The following CAMTA1 variants were observed in gnomAD, a reference collection of about 807,000 sequenced individuals.
CAMTA1 encodes calmodulin-binding transcription activator 1.
Under a neutral mutation model 170.9 loss-of-function variants are expected in CAMTA1, and 27 were observed. The ratio of observed to expected loss-of-function variants is 0.16; its 90% CI spans 0.12 to 0.22. CAMTA1 has a LOEUF of 0.22. Among genes scored for constraint, CAMTA1 ranks in the 10% least tolerant of loss-of-function variants. The probability of loss-of-function intolerance (pLI) is 1.00; values close to 1 mark genes in which losing one functional copy is unlikely to be tolerated. For missense variants in CAMTA1, 1,619 were observed against 2,217.2 expected (o/e 0.73, Z 5.42); for synonymous variants, 833 against 891.5 (o/e 0.93, Z 1.17).
intron 5 of CAMTA1, among the ~76,000 whole-genome samples, chr1:7,272,649 T>C (rs1329403429): frequency 9.2e-6 from 1 of 108,232 alleles, no homozygotes; most frequent in Non-Finnish European, 1.9e-5. Flanking sequence ...CATGATAGAA[T>C]AGTCTTTTCA....
intron 3 of CAMTA1, among the ~76,000 whole-genome samples, chr1:7,078,814 A>G (rs1639644882): frequency 6.6e-6 from 1 of 152,238 alleles, no homozygotes; most frequent in Non-Finnish European, 1.5e-5. Context: ...TCAAGACTGT[A>G]TCTTCAGGGA....
chr1:7,427,921 T>C (rs979976392), intron 5 of CAMTA1, among the ~76,000 whole-genome samples: 1 of 152,108 alleles, frequency 6.6e-6, no homozygotes, highest in African/African-American at 2.4e-5. Context: ...CTTTCCTTTC[T>C]AGGGTACCCT....
chr1:7,000,651 T>G (rs1464651784), intron 3 of CAMTA1, among the ~76,000 whole-genome samples: 1 of 152,230 alleles, frequency 6.6e-6, no homozygotes, highest in African/African-American at 2.4e-5. Flanking sequence ...CTCTTGGCTC[T>G]GACTTTGGGT....
rs1644201991 is a variant in CAMTA1, at chr1:7,113,794, T to C, written c.302+22423T>C. Reference sequence around the variant, plus strand: ...CAGATAGAAAGGAGTGAGTGCTTCTTGCATCCAAGTGCCTGGCAGAAATGA... The same window carrying C: ...CAGATAGAAAGGAGTGAGTGCTTCTCGCATCCAAGTGCCTGGCAGAAATGA... On this transcript the variant is annotated intron_variant, in intron 4 of 22. Transcript: ENST00000303635. This position sits in a 1 kb window ranked among gnomAD's most constrained non-coding sequence, Gnocchi z 4.5. Among the ~76,000 whole-genome samples the C allele has an allele frequency of 6.6e-6, 1 of 152,226 alleles. No individual in the cohort carries two copies. The highest frequency in any genetic ancestry group is 2.4e-5 in the African/African-American group (1 of 41,468).
chr1:6,951,676 GCCT>G (rs1004018799), intron 3 of CAMTA1, among the ~76,000 whole-genome samples: 1 of 152,146 alleles, frequency 6.6e-6, no homozygotes, highest in African/African-American at 2.4e-5. Context: ...CCATTCTCCC[GCCT>G]CCTCGGCCAT....
intron 3 of CAMTA1, among the ~76,000 whole-genome samples, chr1:6,925,841 G>A (rs1442291831): frequency 6.6e-6 from 1 of 152,224 alleles, no homozygotes; most frequent in African/African-American, 2.4e-5. Context: ...AGGGCCCTAA[G>A]CTGTCCGCTG....
At position 7,093,751 on chromosome 1, in the gene CAMTA1, G is replaced by T. The variant is rs968642296; in HGVS notation, c.302+2380G>T. On this transcript the variant is annotated intron_variant, in intron 4 of 22. Coordinates refer to ENST00000303635, the MANE Select transcript of CAMTA1 (RefSeq NM_015215.4). This position sits in a 1 kb window ranked among gnomAD's most constrained non-coding sequence, Gnocchi z 4.6. The stretch of plus-strand genomic sequence containing the variant: ...CCCCACCCCGAGGCACAGGGTGTGT[G>T]CCTGGCAGAAGAAGGAAGGTGGGTT... 6.6e-6 allele frequency among the ~76,000 whole-genome samples: 1 copy of T among 152,176 alleles called. No individual in the cohort carries two copies. Among genetic ancestry groups the T allele is most frequent in the African/African-American group, 2.4e-5 (1 of 41,442 alleles).
At chr1:7,032,422 C>A (rs539158924) in intron 3 of CAMTA1, among the ~76,000 whole-genome samples, 1 of 152,204 alleles carries the variant, frequency 6.6e-6, no homozygotes, top group African/African-American at 2.4e-5. Flanking sequence ...AGTCCACTTT[C>A]AGGTGATGTT....
intron 3 of CAMTA1, among the ~76,000 whole-genome samples, chr1:6,984,062 G>GGT: frequency 3.9e-3 from 1 of 256 alleles, no homozygotes; most frequent in African/African-American, 0.013. Flanking sequence ...GGATAAATGG[G>GGT]TGGGTGGATG....
At chr1:6,885,769 C>T (rs1405240156) in intron 3 of CAMTA1, among the ~76,000 whole-genome samples, 1 of 152,146 alleles carries the variant, frequency 6.6e-6, no homozygotes, top group East Asian at 1.9e-4. Context: ...TGCAACATGC[C>T]CCACCCAGCT....
intron 3 of CAMTA1, among the ~76,000 whole-genome samples, chr1:6,960,480 A>C (rs1690192964): frequency 1.3e-5 from 2 of 152,118 alleles, no homozygotes. Flanking sequence ...CTCTCTTGGC[A>C]CTGGGTCCAG....
At chr1:7,552,198 C>A (rs1460319780) in intron 6 of CAMTA1, among the ~76,000 whole-genome samples, 2 of 150,458 alleles carry the variant, frequency 1.3e-5, no homozygotes, top group African/African-American at 4.9e-5. Flanking sequence ...CACACCCCCC[C>A]AGTGCCACCC....
At chr1:7,670,671 C>G (rs373974855) in intron 9 of CAMTA1, among the ~76,000 whole-genome samples, 4 of 152,308 alleles carry the variant, frequency 2.6e-5, no homozygotes. Context: ...AGCTGCCGGT[C>G]CTGGGGCTTC....
At chr1:6,992,986 T>C (rs1696636643) in intron 3 of CAMTA1, among the ~76,000 whole-genome samples, 1 of 152,246 alleles carries the variant, frequency 6.6e-6, no homozygotes, top group Admixed American at 6.5e-5. Flanking sequence ...AAAAAAGACT[T>C]TCTTTTCCCC....
At chr1:6,839,380 AAAAAAACAAAAAAC>A (rs376230671) in intron 3 of CAMTA1, among the ~76,000 whole-genome samples, 12 of 151,938 alleles carry the variant, frequency 7.9e-5, no homozygotes, top group Admixed American at 1.3e-4. Flanking sequence ...AGACTCTCTT[AAAAAAACAAAAAAC>A]AAAAAACAAA....
At chr1:7,069,517 C>T (rs1482586036) in intron 3 of CAMTA1, among the ~76,000 whole-genome samples, 1 of 152,162 alleles carries the variant, frequency 6.6e-6, no homozygotes, top group Non-Finnish European at 1.5e-5. Flanking sequence ...CGAATTGAGC[C>T]AAGGGTCAGC....
chr1:7,254,903 G>C (rs914240048), intron 5 of CAMTA1, among the ~76,000 whole-genome samples: 5 of 152,226 alleles, frequency 3.3e-5, no homozygotes, highest in African/African-American at 1.2e-4. Context: ...AATAGATAAA[G>C]TGGAGGTAAG....
intron 6 of CAMTA1, among the ~76,000 whole-genome samples, chr1:7,560,271 C>A (rs1049429675): frequency 1.2e-4 from 19 of 152,210 alleles, no homozygotes; most frequent in African/African-American, 4.1e-4. Context: ...TTCTGCAGGC[C>A]CCACTGCCCT....
At chr1:7,350,324 GA>G (rs1236872376) in intron 5 of CAMTA1, among the ~76,000 whole-genome samples, 1 of 152,202 alleles carries the variant, frequency 6.6e-6, no homozygotes, top group Non-Finnish European at 1.5e-5. Flanking sequence ...GTTTTGCAGA[GA>G]GTCCTCCTGC....
Sources: allele counts gnomAD v4.1 joint callset (sites outside exome capture counted in the v4.1 genomes callset), GRCh38; gene constraint gnomAD v4.1.1; non-coding constraint Gnocchi (gnomAD v3.1); transcripts MANE v1.5; gene names NCBI Gene and HGNC (gene_info 2026-07-23, HGNC 2026-07-21).